Variants in SPECC1 observed in about 807,000 individuals in gnomAD.
SPECC1 encodes the protein sperm antigen with calponin homology and coiled-coil domains 1, also known as cytospin-B.
SPECC1 carries 62 observed loss-of-function variants against 104.1 expected under a neutral mutation model. The ratio of observed to expected loss-of-function variants is 0.60; its 90% CI spans 0.49 to 0.74. The LOEUF (loss-of-function observed/expected upper bound fraction) is 0.74. Ranked by LOEUF, SPECC1 falls within the 30% of genes least tolerant of loss-of-function variation. SPECC1 has a pLI of 0.00. For missense variants in SPECC1, 1,306 were observed against 1,310.5 expected (o/e 1.00, Z 0.05); for synonymous variants, 513 against 501.6 (o/e 1.02, Z -0.30).
rs149407744 is a variant in SPECC1, at chr17:20,129,760, T to G, written c.283+19198T>G. On this transcript the variant is annotated intron_variant, in intron 3 of 14. Transcript: ENST00000395527. Reference sequence around the variant, plus strand: ...TTGTTGTTGTTGTTTTGTTTGTTTGTTTGGTTGTTTTGAGACAGAGTCTAA... The same window carrying G: ...TTGTTGTTGTTGTTTTGTTTGTTTGGTTGGTTGTTTTGAGACAGAGTCTAA... Among the ~76,000 whole-genome samples the G allele has an allele frequency of 4.5e-3, 690 of 152,098 alleles. 6 individuals carry two copies. Among genetic ancestry groups the G allele is most frequent in the African/African-American group, 0.014 (583 of 41,476 alleles).
chr17:20,232,850 C>T (rs2038682498), intron 7 of SPECC1, among the ~76,000 whole-genome samples: 1 of 152,280 alleles, frequency 6.6e-6, no homozygotes, highest in African/African-American at 2.4e-5. Flanking sequence ...CAAGGATGTG[C>T]CTGCTTATTG....
intron 9 of SPECC1, among the ~76,000 whole-genome samples, chr17:20,250,969 G>A (rs751276925): frequency 2.6e-5 from 4 of 152,124 alleles, no homozygotes; most frequent in African/African-American, 9.7e-5. Context: ...GCTTATGCCT[G>A]TAATCCCAGC....
At chr17:20,162,482 A>G (rs2033259241) in intron 3 of SPECC1, among the ~76,000 whole-genome samples, 1 of 152,164 alleles carries the variant, frequency 6.6e-6, no homozygotes, top group African/African-American at 2.4e-5. Context: ...CAAATTCTTT[A>G]TCTAGGAAAG....
intron 3 of SPECC1, among the ~76,000 whole-genome samples, chr17:20,188,343 C>G (rs1319825339): frequency 6.6e-6 from 1 of 151,602 alleles, no homozygotes; most frequent in Non-Finnish European, 1.5e-5. Flanking sequence ...ACTGCAGCCT[C>G]TGCCTCCTGG....
At chr17:20,282,390 C>T (rs1010569575) in intron 12 of SPECC1, among the ~76,000 whole-genome samples, 2 of 152,302 alleles carry the variant, frequency 1.3e-5, no homozygotes, top group African/African-American at 4.8e-5. Flanking sequence ...TCTCCATTTT[C>T]GCAGTCTCAA....
intron 1 of SPECC1, among the ~76,000 whole-genome samples, chr17:20,021,702 A>ATTTTTTT (rs1187795523): frequency 7.2e-6 from 1 of 139,278 alleles, no homozygotes; most frequent in African/African-American, 2.7e-5. Context: ...ATATATATAT[A>ATTTTTTT]TTTTTTTGTA....
intron 7 of SPECC1, among the ~76,000 whole-genome samples, chr17:20,233,782 T>G (rs1283067824): frequency 6.6e-6 from 1 of 152,252 alleles, no homozygotes. Context: ...GAAACAGTAG[T>G]GAGGCCGTTC....
rs571641481 is a variant in SPECC1 at position 20,065,385 on chromosome 17, C to T, written c.-21-31246C>T. Among the ~76,000 whole-genome samples the T allele has an allele frequency of 2.8e-5, 3 of 106,090 alleles. No homozygotes were observed. In the South Asian group the frequency reaches 7.4e-4, roughly 26 times the overall value. 69.6% of individuals were successfully genotyped at this position (106,090 alleles called of 152,430 possible). On this transcript the variant is annotated intron_variant, in intron 1 of 14. Transcript: ENST00000395527. Reference sequence around the variant, plus strand: ...GACCAACTGGCTTCAAGTTGGGGTTCCCATGACTCCTCTGGGTTCAACTAA... The same window carrying T: ...GACCAACTGGCTTCAAGTTGGGGTTTCCATGACTCCTCTGGGTTCAACTAA...
chr17:20,047,370 C>T (rs948639523), intron 1 of SPECC1, among the ~76,000 whole-genome samples: 8 of 152,050 alleles, frequency 5.3e-5, no homozygotes, highest in African/African-American at 1.7e-4. Flanking sequence ...GGGTCACCCA[C>T]TTCTTTCTCT....
At chr17:20,120,168 A>G (rs1291923444) in intron 3 of SPECC1, among the ~76,000 whole-genome samples, 5 of 152,170 alleles carry the variant, frequency 3.3e-5, no homozygotes, top group African/African-American at 1.2e-4. Context: ...CAGGCGGATC[A>G]CCTGAGATAT....
intron 1 of SPECC1, among the ~76,000 whole-genome samples, chr17:20,034,415 T>TA (rs914067447): frequency 2.0e-5 from 3 of 151,462 alleles, no homozygotes; most frequent in African/African-American, 7.3e-5. Flanking sequence ...AATTTTTTAC[T>TA]AAAAAAATGT....
At chr17:20,216,681 A>G (rs2037510158) in intron 4 of SPECC1, among the ~76,000 whole-genome samples, 1 of 151,888 alleles carries the variant, frequency 6.6e-6, no homozygotes, top group African/African-American at 2.4e-5. Flanking sequence ...CTCTGCAGGA[A>G]CCCTTCTTGG....
chr17:20,165,818 AC>A (rs1381270216), intron 3 of SPECC1, among the ~76,000 whole-genome samples: 1 of 151,918 alleles, frequency 6.6e-6, no homozygotes, highest in Non-Finnish European at 1.5e-5. Context: ...TATTTTTCAT[AC>A]GTTTGTTGGC....
At chr17:20,309,172 A>T (rs1457916819) in intron 14 of SPECC1, among the ~76,000 whole-genome samples, 1 of 152,184 alleles carries the variant, frequency 6.6e-6, no homozygotes, top group Non-Finnish European at 1.5e-5. Context: ...AATTTCCTAC[A>T]TTCTTAAATT....
intron 3 of SPECC1, among the ~76,000 whole-genome samples, chr17:20,124,035 G>C (rs966043453): frequency 6.6e-6 from 1 of 152,166 alleles, no homozygotes; most frequent in Admixed American, 6.5e-5. Context: ...GTGGAGGAAG[G>C]GGATGTTGGA....
chr17:20,197,711 T>C (rs186133964), intron 3 of SPECC1, among the ~76,000 whole-genome samples: 1 of 152,298 alleles, frequency 6.6e-6, no homozygotes, highest in Admixed American at 6.5e-5. Flanking sequence ...TCCACTTTTT[T>C]GTTTGTTTCA....
chr17:20,252,838 A>G (rs2151566996), intron 9 of SPECC1, among the ~76,000 whole-genome samples: 1 of 152,310 alleles, frequency 6.6e-6, no homozygotes, highest in Admixed American at 6.5e-5. Context: ...AGAGAGTGCA[A>G]GTATCTCTTT....
intron 12 of SPECC1, among the ~76,000 whole-genome samples, chr17:20,272,443 C>CA (rs768028442): frequency 1.3e-5 from 2 of 152,066 alleles, no homozygotes; most frequent in African/African-American, 2.4e-5. Flanking sequence ...AGTTCAGTAT[C>CA]GTTGAGTATG....
chr17:20,045,568 T>C (rs1292956753), intron 1 of SPECC1, among the ~76,000 whole-genome samples: 2 of 152,224 alleles, frequency 1.3e-5, no homozygotes, highest in East Asian at 1.9e-4. Flanking sequence ...CTAAGTGCCC[T>C]GAGTTTCTCT....
Sources: allele counts gnomAD v4.1 joint callset (sites outside exome capture counted in the v4.1 genomes callset), GRCh38; gene constraint gnomAD v4.1.1; transcripts MANE v1.5; gene names NCBI Gene and HGNC (gene_info 2026-07-23, HGNC 2026-07-21).